RAD54B: variants seen among roughly 807,000 people sequenced by gnomAD.
The protein encoded by RAD54B is DNA repair and recombination protein RAD54B.
A neutral mutation model predicts 95.8 loss-of-function variants in RAD54B; 78 were observed. The ratio of observed to expected loss-of-function variants is 0.81; its 90% CI spans 0.68 to 0.98. The LOEUF is 0.98. Among genes scored for constraint, RAD54B ranks in the 50% least tolerant of loss-of-function variants. The probability of loss-of-function intolerance (pLI) is 0.00; values close to 1 mark genes in which losing one functional copy is unlikely to be tolerated. For synonymous variants in RAD54B, 328 were observed against 354.9 expected, an observed-to-expected ratio of 0.92 and a Z score of 0.85; for missense variants, 957 against 1,056.6, an observed-to-expected ratio of 0.91 and a Z score of 1.31.
chr8:94,424,437 C>T (rs1811893899), intron 3 of RAD54B, among the ~76,000 whole-genome samples: 2 of 152,170 alleles, frequency 1.3e-5, no homozygotes, highest in South Asian at 4.1e-4. Flanking sequence ...CAACATTTGC[C>T]CTTGTCCCTT....
intron 3 of RAD54B, chr8:94,431,988 T>A: frequency 7.7e-7 from 1 of 1,306,406 alleles, no homozygotes; most frequent in Non-Finnish European, 9.8e-7. Flanking sequence ...AAGAAAATAA[T>A]TAGAAAATTA....
intron 5 of RAD54B, among the ~76,000 whole-genome samples, chr8:94,404,487 G>A (rs780996936): frequency 6.6e-6 from 1 of 152,082 alleles, no homozygotes; most frequent in African/African-American, 2.4e-5. Context: ...AAAGTGCTTC[G>A]AAAGCAATGA....
chr8:94,409,222 T>C (rs1429898638), intron 4 of RAD54B, among the ~76,000 whole-genome samples: 1 of 152,172 alleles, frequency 6.6e-6, no homozygotes, highest in Non-Finnish European at 1.5e-5. Flanking sequence ...ATTAATGTTA[T>C]AATTAAGCAA....
chr8:94,449,186 C>A (rs953668053), intron 3 of RAD54B, among the ~76,000 whole-genome samples: 4 of 139,458 alleles, frequency 2.9e-5, no homozygotes, highest in Non-Finnish European at 6.6e-5. Context: ...CACACCCTTC[C>A]CCCCCGCCCC....
intron 3 of RAD54B, among the ~76,000 whole-genome samples, chr8:94,425,674 T>C (rs1269800148): frequency 6.6e-6 from 1 of 152,190 alleles, no homozygotes; most frequent in Non-Finnish European, 1.5e-5. Context: ...TAAGTATCAA[T>C]AAGTATAAAA....
chr8:94,442,368 C>G (rs1019108688), intron 3 of RAD54B, among the ~76,000 whole-genome samples: 7 of 150,714 alleles, frequency 4.6e-5, no homozygotes, highest in South Asian at 4.2e-4. Flanking sequence ...GGTCAGGAAT[C>G]AAGACCATCC....
At chr8:94,425,302 G>A (rs1169973519) in intron 3 of RAD54B, among the ~76,000 whole-genome samples, 1 of 141,156 alleles carries the variant, frequency 7.1e-6, no homozygotes, top group Admixed American at 7.6e-5. Flanking sequence ...CAATCCTCCT[G>A]CCTCAGCCTC....
chr8:94,474,809 C>T (rs1005892882), intron 1 of RAD54B, among the ~76,000 whole-genome samples, 192 bp downstream of exon 1: 1 of 152,226 alleles, frequency 6.6e-6, no homozygotes, highest in Non-Finnish European at 1.5e-5. Context: ...CTCCAAGGCC[C>T]CCGGGGCCAG....
intron 3 of RAD54B, among the ~76,000 whole-genome samples, chr8:94,449,766 CAGGACCTTTTTTAGTACCTTT>C (rs1433838932): frequency 1.3e-5 from 2 of 151,994 alleles, no homozygotes; most frequent in African/African-American, 4.8e-5. Context: ...TTCAAATGAC[CAGGACCTTTTTTAGTACCTTT>C]AGGACCTTTT....
chr8:94,386,041 T>C (rs1810883498), intron 11 of RAD54B, among the ~76,000 whole-genome samples: 1 of 152,130 alleles, frequency 6.6e-6, no homozygotes. Context: ...GAGTGACAAG[T>C]TCATATTTAT....
At chr8:94,420,091 A>G (rs192416064) in intron 3 of RAD54B, among the ~76,000 whole-genome samples, 327 of 152,250 alleles carry the variant, frequency 2.1e-3, no homozygotes, top group African/African-American at 7.2e-3. Flanking sequence ...GTAGCAGGCT[A>G]TACCATCTAG....
intron 11 of RAD54B, among the ~76,000 whole-genome samples, chr8:94,384,705 C>T (rs542370333): frequency 1.3e-5 from 2 of 152,158 alleles, no homozygotes; most frequent in South Asian, 2.1e-4. Context: ...AAAGAAAAGG[C>T]GATCTCTTCA....
intron 3 of RAD54B, chr8:94,428,052 T>A (rs1324604917): frequency 1.1e-6 from 1 of 946,836 alleles, no homozygotes; most frequent in Non-Finnish European, 1.3e-6. Flanking sequence ...TCTCAGGATG[T>A]CATTATAAAT....
At chr8:94,416,390 T>C (rs1355345111) in intron 3 of RAD54B, among the ~76,000 whole-genome samples, 32 of 151,534 alleles carry the variant, frequency 2.1e-4, no homozygotes, top group African/African-American at 7.8e-4. Context: ...GGGGGAGGGA[T>C]AGCATTAGGA....
intron 3 of RAD54B, chr8:94,432,521 A>C (rs988890627): frequency 1.3e-6 from 2 of 1,550,656 alleles, no homozygotes; most frequent in South Asian, 1.2e-5. Context: ...CACTCTGTTG[A>C]GAATTTAAAA....
At chr8:94,462,138 T>C (rs970501821) in intron 2 of RAD54B, among the ~76,000 whole-genome samples, 3 of 152,174 alleles carry the variant, frequency 2.0e-5, no homozygotes, top group South Asian at 2.1e-4. Context: ...TAGTTTCAGA[T>C]TGTGAATTTG....
At chr8:94,436,821 A>C in intron 3 of RAD54B, 1 of 1,546,672 alleles carries the variant, frequency 6.5e-7, no homozygotes, top group Non-Finnish European at 8.7e-7. Context: ...TTAGCAAATC[A>C]AGCTTTTCGG....
At chr8:94,377,576 A>C (rs1037819878) in intron 14 of RAD54B, among the ~76,000 whole-genome samples, 6 of 137,338 alleles carry the variant, frequency 4.4e-5, no homozygotes, top group African/African-American at 1.3e-4. Context: ...AAAAAAAAAA[A>C]AAAAACTCTA....
In RAD54B at chr8:94,372,351, C is replaced by T. The variant is rs1810460897; in HGVS notation, c.2552G>A (p.Cys851Tyr). The T allele has an allele frequency of 6.2e-7, 1 of 1,613,490 alleles. No homozygotes were observed. The highest frequency in any genetic ancestry group is 8.5e-7 in the Non-Finnish European group (1 of 1,179,876). The part of the protein sequence containing the change: ...SLEKFIVSRD[C>Y]QLGPHHQKSN... ...TTTCTGGTGATGTGGACCAAGCTGA[C>T]AATCTCTAGAGACAATGAATTTTTC... is the stretch of plus-strand genomic sequence containing the variant. Residue 851 changes from cysteine to tyrosine, a missense_variant, in exon 15 of 15, where the codon TGT becomes TAT. Coordinates refer to ENST00000336148, the MANE Select transcript of RAD54B (RefSeq NM_012415.3).
Sources: gnomAD v4.1 joint callset for allele counts (sites outside exome capture counted in the v4.1 genomes callset) on GRCh38, gnomAD v4.1.1 for gene constraint, MANE v1.5 for transcripts, NCBI Gene and HGNC (gene_info 2026-07-23, HGNC 2026-07-21) for gene names.